Variants in CFAP299 observed in about 807,000 individuals in gnomAD.
The protein encoded by CFAP299 is cilia- and flagella-associated protein 299.
Under a neutral mutation model 27.0 loss-of-function variants are expected in CFAP299, and 21 were observed. The observed-to-expected ratio is 0.78, with a 90% CI of 0.55 to 1.12. The LOEUF (loss-of-function observed/expected upper bound fraction) is 1.12. Among genes scored for constraint, CFAP299 ranks in the 50% most tolerant of loss-of-function variants. The pLI, the probability that CFAP299 is intolerant of heterozygous loss-of-function variation, is 0.00. For missense variants in CFAP299, 310 were observed against 276.6 expected, an observed-to-expected ratio of 1.12 and a Z score of -0.86; for synonymous variants, 104 against 98.1, an observed-to-expected ratio of 1.06 and a Z score of -0.36.
At chr4:80,591,528 A>C (rs1011362445) in intron 3 of CFAP299, among the ~76,000 whole-genome samples, 8 of 152,170 alleles carry the variant, frequency 5.3e-5, no homozygotes, top group Non-Finnish European at 1.2e-4. Flanking sequence ...AATGGAATGC[A>C]AATCCAGGAC....
At chr4:80,789,249 A>G (rs1256733734) in intron 3 of CFAP299, among the ~76,000 whole-genome samples, 1 of 151,978 alleles carries the variant, frequency 6.6e-6, no homozygotes, top group South Asian at 2.1e-4. Context: ...TATTGAAGCT[A>G]TCCTAACCAT....
chr4:80,941,017 A>G (rs1408581716), intron 4 of CFAP299, among the ~76,000 whole-genome samples: 2 of 152,188 alleles, frequency 1.3e-5, no homozygotes, highest in Non-Finnish European at 2.9e-5. Context: ...CATAGGTAGC[A>G]AAATCCATGA....
intron 5 of CFAP299, among the ~76,000 whole-genome samples, chr4:80,957,134 G>T (rs1738110540): frequency 6.6e-6 from 1 of 151,960 alleles, no homozygotes; most frequent in Non-Finnish European, 1.5e-5. Flanking sequence ...TTCTTGTTTT[G>T]TTTCATCAGT....
intron 2 of CFAP299, among the ~76,000 whole-genome samples, chr4:80,378,921 C>A (rs545609909): frequency 1.3e-5 from 2 of 151,786 alleles, no homozygotes; most frequent in African/African-American, 4.8e-5. Context: ...TTTTGTAAGG[C>A]CTTTTCTGAT....
intron 2 of CFAP299, among the ~76,000 whole-genome samples, chr4:80,371,012 C>A (rs1334614737): frequency 6.6e-6 from 1 of 152,226 alleles, no homozygotes; most frequent in East Asian, 1.9e-4. Flanking sequence ...GCCTGGACAT[C>A]CAGGCTTTTT....
intron 2 of CFAP299, among the ~76,000 whole-genome samples, chr4:80,380,841 T>C (rs1724664712): frequency 6.6e-6 from 1 of 152,242 alleles, no homozygotes; most frequent in Non-Finnish European, 1.5e-5. Flanking sequence ...TCCACTTTAC[T>C]TGACCTCTGC....
At chr4:80,633,660 T>C (rs1159090136) in intron 3 of CFAP299, among the ~76,000 whole-genome samples, 2 of 152,178 alleles carry the variant, frequency 1.3e-5, no homozygotes, top group African/African-American at 2.4e-5. Context: ...GGAATGCTGA[T>C]ACTAAATTTT....
chr4:80,808,608 T>C (rs2110115048), intron 3 of CFAP299, among the ~76,000 whole-genome samples: 1 of 152,282 alleles, frequency 6.6e-6, no homozygotes, highest in South Asian at 2.1e-4. Flanking sequence ...TGCCTTTGTA[T>C]TGAGTATATA....
intron 3 of CFAP299, among the ~76,000 whole-genome samples, chr4:80,626,965 A>G (rs962147509): frequency 6.6e-6 from 1 of 151,774 alleles, no homozygotes; most frequent in African/African-American, 2.4e-5. Flanking sequence ...AATTGAGGAG[A>G]TGAAACTTTC....
At chr4:80,463,326 CA>C (rs371975592) in intron 2 of CFAP299, among the ~76,000 whole-genome samples, 13 of 151,924 alleles carry the variant, frequency 8.6e-5, no homozygotes, top group African/African-American at 3.1e-4. Flanking sequence ...ATGAATGCTG[CA>C]AAATTACACA....
At chr4:80,912,472 C>A (rs749329358) in intron 4 of CFAP299, among the ~76,000 whole-genome samples, 9 of 152,136 alleles carry the variant, frequency 5.9e-5, no homozygotes, top group Non-Finnish European at 1.3e-4. Context: ...CTTGGTGCAG[C>A]TGGGCAACAG....
At chr4:80,677,358 T>C (rs1276392686) in intron 3 of CFAP299, among the ~76,000 whole-genome samples, 1 of 152,052 alleles carries the variant, frequency 6.6e-6, no homozygotes, top group East Asian at 1.9e-4. Flanking sequence ...CTGTTGTTTC[T>C]CCTACTTTCA....
chr4:80,556,468 C>T (rs1215681592), intron 2 of CFAP299, among the ~76,000 whole-genome samples: 6 of 151,940 alleles, frequency 3.9e-5, no homozygotes, highest in African/African-American at 1.4e-4. Context: ...TTAGGAATCT[C>T]ATACAATCCT....
chr4:80,953,544 G>A (rs1236239784), intron 5 of CFAP299, among the ~76,000 whole-genome samples: 1 of 152,000 alleles, frequency 6.6e-6, no homozygotes, highest in African/African-American at 2.4e-5. Context: ...ACAGAGCTTG[G>A]CTTTTATGAA....
At chr4:80,780,859 T>A (rs1041936120) in intron 3 of CFAP299, among the ~76,000 whole-genome samples, 2 of 151,822 alleles carry the variant, frequency 1.3e-5, no homozygotes, top group Non-Finnish European at 2.9e-5. Context: ...CATAGAAGGA[T>A]GGATAAGTTG....
intron 2 of CFAP299, among the ~76,000 whole-genome samples, chr4:80,429,955 T>G (rs976720690): frequency 6.6e-6 from 1 of 152,200 alleles, no homozygotes; most frequent in Non-Finnish European, 1.5e-5. Context: ...TTTCCAAGTT[T>G]TTTTTTATGT....
At chr4:80,603,437 C>G (rs1343224545) in intron 3 of CFAP299, among the ~76,000 whole-genome samples, 1 of 152,120 alleles carries the variant, frequency 6.6e-6, no homozygotes, top group East Asian at 1.9e-4. Context: ...TATACATGCA[C>G]ACACGCACAA....
chr4:80,532,477 G>A (rs1055265960), intron 2 of CFAP299, among the ~76,000 whole-genome samples: 2 of 152,180 alleles, frequency 1.3e-5, no homozygotes. Flanking sequence ...TCACTTTTCT[G>A]TAGTGTGAAG....
At chr4:80,951,782 G>C (rs546810329) in intron 5 of CFAP299, among the ~76,000 whole-genome samples, 1 of 152,214 alleles carries the variant, frequency 6.6e-6, no homozygotes, top group Admixed American at 6.5e-5. Flanking sequence ...TATGCATAAA[G>C]CTATCAAACT....
Sources: allele counts gnomAD v4.1 joint callset (sites outside exome capture counted in the v4.1 genomes callset), GRCh38; gene constraint gnomAD v4.1.1; transcripts MANE v1.5; gene names NCBI Gene and HGNC (gene_info 2026-07-23, HGNC 2026-07-21).